LRRC40: variants seen among roughly 807,000 people sequenced by gnomAD.
LRRC40 encodes leucine rich repeat containing 40, also known as leucine-rich repeat-containing protein 40.
LRRC40 carries 76 observed loss-of-function variants against 72.8 expected under a neutral mutation model. The observed-to-expected ratio is 1.04, with a 90% CI of 0.87 to 1.26. LRRC40 has a LOEUF of 1.26. LRRC40 is among the 50% of genes most tolerant of loss of function. The probability of loss-of-function intolerance (pLI) is 0.00; values close to 1 mark genes in which losing one functional copy is unlikely to be tolerated. For synonymous variants in LRRC40, 243 were observed against 254.2 expected, an observed-to-expected ratio of 0.96 and a Z score of 0.42; for missense variants, 684 against 698.9, an observed-to-expected ratio of 0.98 and a Z score of 0.24.
At chr1:70,162,599 A>C (rs1667789420) in intron 9 of LRRC40, among the ~76,000 whole-genome samples, 1 of 152,316 alleles carries the variant, frequency 6.6e-6, no homozygotes, top group East Asian at 1.9e-4. Flanking sequence ...ACATAAATTG[A>C]TAATACATAA....
rs539006799 is a variant in LRRC40, at chr1:70,196,158, A to G, written c.152-6885T>C. 2.0e-4 allele frequency among the ~76,000 whole-genome samples: 31 copies of G among 152,334 alleles called. 1 individual carries two copies. In the East Asian group the frequency reaches 6.0e-3, roughly 29 times the overall value. On this transcript the variant is annotated intron_variant, in intron 1 of 14. Transcript: ENST00000370952. ...AAGAAAGCTTATAGCAATTTTATTC[A>G]TAACAGCCAAAAACTGGAAACCACT... is the stretch of plus-strand genomic sequence containing the variant.
At chr1:70,193,858 T>G (rs1361533367) in intron 1 of LRRC40, among the ~76,000 whole-genome samples, 5 of 152,024 alleles carry the variant, frequency 3.3e-5, no homozygotes, top group Non-Finnish European at 5.9e-5. Flanking sequence ...TACTATGTGA[T>G]TGTTGAGATA....
chr1:70,149,576 T>C (rs1189059388), intron 13 of LRRC40, among the ~76,000 whole-genome samples: 2 of 152,156 alleles, frequency 1.3e-5, no homozygotes, highest in Non-Finnish European at 1.5e-5. Flanking sequence ...CCCAAAGACA[T>C]TACTTGCAAG....
chr1:70,202,184 C>T (rs1462313115), intron 1 of LRRC40, among the ~76,000 whole-genome samples: 2 of 152,232 alleles, frequency 1.3e-5, no homozygotes, highest in South Asian at 2.1e-4. Flanking sequence ...AGTGATCATG[C>T]TCCTAGGCTC....
chr1:70,170,078 C>T (rs1667968549), intron 9 of LRRC40, among the ~76,000 whole-genome samples: 1 of 152,092 alleles, frequency 6.6e-6, no homozygotes, highest in African/African-American at 2.4e-5. Flanking sequence ...TGGGATTTAA[C>T]CATGGATGCA....
chr1:70,156,277 TTTAA>T (rs1467039011), intron 10 of LRRC40, among the ~76,000 whole-genome samples: 3 of 152,026 alleles, frequency 2.0e-5, no homozygotes, highest in Non-Finnish European at 4.4e-5. Context: ...CTAAAATTAG[TTTAA>T]TTAATTTAAA....
At chr1:70,167,665 A>T (rs764671406) in intron 9 of LRRC40, among the ~76,000 whole-genome samples, 3 of 152,008 alleles carry the variant, frequency 2.0e-5, no homozygotes, top group Non-Finnish European at 4.4e-5. Flanking sequence ...CCCAGGCTGG[A>T]GTGCAGTGGC....
intron 4 of LRRC40, among the ~76,000 whole-genome samples, chr1:70,183,579 G>A (rs1007960425): frequency 1.3e-5 from 2 of 150,894 alleles, no homozygotes; most frequent in Admixed American, 1.3e-4. Flanking sequence ...TTTTGAGACA[G>A]GGTCTCCTGT....
chr1:70,169,077 G>T (rs987060260), intron 9 of LRRC40, among the ~76,000 whole-genome samples: 1 of 152,116 alleles, frequency 6.6e-6, no homozygotes, highest in Non-Finnish European at 1.5e-5. Flanking sequence ...GGTCCCAGGT[G>T]GGGGAGAACA....
intron 1 of LRRC40, among the ~76,000 whole-genome samples, chr1:70,195,569 G>A (rs1277173865): frequency 1.3e-5 from 2 of 152,162 alleles, no homozygotes; most frequent in Non-Finnish European, 2.9e-5. Context: ...TGAGGTGGAG[G>A]AACTGAATCT....
At position 70,159,400 on chromosome 1, in the gene LRRC40, C is replaced by T. The variant is rs148932168; in HGVS notation, c.1150G>A (p.Ala384Thr). The T allele has an allele frequency of 3.1e-6, 5 of 1,598,298 alleles. No individual in the cohort carries two copies. The highest frequency in any genetic ancestry group is 4.3e-6 in the Non-Finnish European group (5 of 1,169,574). ...CTGGATTCACTTGGTAGTGTCATGG[C>T]AGTCTCAGTAGCAGACTCACTTTGG... is the stretch of plus-strand genomic sequence containing the variant. ...PSQSESATETAMTLPSESRVN... is the reference protein window; with the variant it reads ...PSQSESATETTMTLPSESRVN... The change falls in exon 10 of 15, where the codon GCC becomes ACC. Residue 384 changes from alanine (A) to threonine (T), a missense_variant. Transcript: ENST00000370952.
At chr1:70,193,742 G>C (rs918258208) in intron 1 of LRRC40, among the ~76,000 whole-genome samples, 1 of 151,888 alleles carries the variant, frequency 6.6e-6, no homozygotes, top group African/African-American at 2.4e-5. Context: ...TATATAAAAA[G>C]GATAACATAT....
chr1:70,198,313 T>A (rs2100350032), intron 1 of LRRC40, among the ~76,000 whole-genome samples: 1 of 152,346 alleles, frequency 6.6e-6, no homozygotes, highest in East Asian at 1.9e-4. Flanking sequence ...CCTCTTAATT[T>A]GCCTTTCAGA....
At position 70,161,277 on chromosome 1, in the gene LRRC40, G is replaced by C. The variant is rs531283120; in HGVS notation, c.1112-1839C>G. Among the ~76,000 whole-genome samples, 81 of 151,784 alleles carry C rather than the reference G, an allele frequency of 5.3e-4. 1 individual carries two copies. In the East Asian group the frequency reaches 0.015, roughly 28 times the overall value. ...TTTTTTGTATTTTTAGTAGAGACGG[G>C]GTTTCACCGTGTTAGCCAGGATGAT... On this transcript the variant is annotated intron_variant, in intron 9 of 14. Transcript: ENST00000370952.
intron 13 of LRRC40, among the ~76,000 whole-genome samples, chr1:70,149,738 A>C (rs1667419711): frequency 6.6e-6 from 1 of 152,204 alleles, no homozygotes; most frequent in African/African-American, 2.4e-5. Context: ...TGGAGCAGAC[A>C]GAAGAAAAAT....
Position 70,181,202 on chromosome 1 carries a change from G to A in LRRC40, c.545C>T (p.Ser182Leu), listed in dbSNP as rs764212784. ...AGGAACAGTTGTAAGATGATTGTTT[G>A]AAAGATCCTTTAAAAAGAGAAAGAC... ...QLSNLEDLDL[S>L]NNHLTTVPAS... is the part of the protein sequence containing the mutation. Residue 182 changes from serine (S) to leucine (L), a missense_variant, in exon 5 of 15, where the codon TCA becomes TTA. Coordinates refer to ENST00000370952, the MANE Select transcript of LRRC40 (RefSeq NM_017768.5). 3 of 1,537,850 alleles carry A rather than the reference G, an allele frequency of 2.0e-6. No homozygotes were observed. In the African/African-American group the frequency reaches 4.2e-5, roughly 22 times the overall value.
chr1:70,153,499 T>TA (rs1343369365), intron 11 of LRRC40, among the ~76,000 whole-genome samples: 4 of 152,182 alleles, frequency 2.6e-5, no homozygotes, highest in African/African-American at 9.6e-5. Flanking sequence ...GTGTAACTGA[T>TA]AAAACTTGAT....
chr1:70,195,128 A>C (rs572631781), intron 1 of LRRC40, among the ~76,000 whole-genome samples: 1 of 152,264 alleles, frequency 6.6e-6, no homozygotes, highest in African/African-American at 2.4e-5. Context: ...AAACAGAGGA[A>C]AAAATTTTCA....
At chr1:70,169,667 A>C (rs1479408568) in intron 9 of LRRC40, among the ~76,000 whole-genome samples, 1 of 152,182 alleles carries the variant, frequency 6.6e-6, no homozygotes, top group Non-Finnish European at 1.5e-5. Flanking sequence ...ACTATATGCC[A>C]ACAAATTAAA....
Sources: gnomAD v4.1 joint callset for allele counts (sites outside exome capture counted in the v4.1 genomes callset) on GRCh38, gnomAD v4.1.1 for gene constraint, MANE v1.5 for transcripts, NCBI Gene and HGNC (gene_info 2026-07-23, HGNC 2026-07-21) for gene names.